The following ATP11C variants were observed in gnomAD, a reference collection of about 807,000 sequenced individuals.
The protein encoded by ATP11C is phospholipid-transporting ATPase IG.
ATP11C carries 36 observed loss-of-function variants against 97.4 expected under a neutral mutation model. The observed-to-expected ratio is 0.37, with a 90% CI of 0.28 to 0.49. ATP11C has a LOEUF of 0.49. Among genes scored for constraint, ATP11C ranks in the 20% least tolerant of loss-of-function variants. The pLI is 0.98. For synonymous variants in ATP11C, 275 were observed against 290.9 expected, an observed-to-expected ratio of 0.95 and a Z score of 0.56; for missense variants, 730 against 824.6, an observed-to-expected ratio of 0.89 and a Z score of 1.40.
chrX:139,921,014 A>C (rs1346044664), intron 1 of ATP11C, among the ~76,000 whole-genome samples: 1 of 111,882 alleles, frequency 8.9e-6, no homozygotes, highest in Non-Finnish European at 1.9e-5. Context: ...GTTAGTATTA[A>C]GTATGACTGC....
intron 11 of ATP11C, 78 bp downstream of exon 11, chrX:139,797,098 G>A (rs754021495): frequency 9.9e-4 from 967 of 979,657 alleles, no homozygotes; most frequent in Non-Finnish European, 1.2e-3. Flanking sequence ...AAAAGGTGCC[G>A]TTTCCCTGAG....
chrX:139,792,597 T>C (rs2082714860), intron 12 of ATP11C, among the ~76,000 whole-genome samples: 1 of 110,967 alleles, frequency 9.0e-6, no homozygotes, highest in Non-Finnish European at 1.9e-5. Flanking sequence ...GTATCAAAAG[T>C]GAACTGGAGG....
At position 139,785,762 on chromosome X, in the gene ATP11C, T is replaced by A. The variant is rs1425048766; in HGVS notation, c.1593-463A>T. Among the ~76,000 whole-genome samples, 3 of 111,530 alleles carry A rather than the reference T, an allele frequency of 2.7e-5. No individual in the cohort carries two copies. In the Admixed American group the frequency reaches 2.9e-4, roughly 11 times the overall value. On this transcript the variant is annotated intron_variant, in intron 15 of 29. Coordinates refer to ENST00000682941, the MANE Select transcript of ATP11C (RefSeq NM_001353812.2). ...GAGCATAATGAGATAACTACCCTTCTAGTTTCTCAAATACTGTAATAAAGG... is the reference window on the plus strand; with the variant it reads ...GAGCATAATGAGATAACTACCCTTCAAGTTTCTCAAATACTGTAATAAAGG...
chrX:139,787,103 C>T (rs1165400436), intron 15 of ATP11C, 70 bp downstream of exon 15: 81 of 1,189,341 alleles, frequency 6.8e-5, no homozygotes, highest in Admixed American at 9.0e-5. Flanking sequence ...CCTTTGCTGC[C>T]CTGCCTGAAT....
intron 23 of ATP11C, 72 bp from the exon 24 acceptor site, chrX:139,750,224 T>C (rs1248575690): frequency 1.3e-5 from 13 of 1,019,000 alleles, no homozygotes; most frequent in Non-Finnish European, 1.7e-5. Context: ...TACTTATGTA[T>C]GTGAAAAACT....
intron 1 of ATP11C, among the ~76,000 whole-genome samples, chrX:139,900,319 T>C (rs1222686588): frequency 1.0e-5 from 1 of 96,006 alleles, no homozygotes; most frequent in African/African-American, 4.1e-5. Context: ...CAGTGAGCCA[T>C]GATCTTGCCA....
intron 1 of ATP11C, among the ~76,000 whole-genome samples, chrX:139,850,853 T>C (rs2491007): frequency 0.064 from 7,118 of 110,434 alleles, 575 homozygotes; most frequent in African/African-American, 0.22. Flanking sequence ...GAGGCTGCAG[T>C]GAGCCAAGAT....
chrX:139,904,373 C>G (rs1373902974), intron 1 of ATP11C, among the ~76,000 whole-genome samples: 1 of 109,832 alleles, frequency 9.1e-6, no homozygotes, highest in African/African-American at 3.3e-5. Context: ...ACCAAAAATA[C>G]AAAAAATTAG....
chrX:139,826,456 T>C (rs914827354), intron 2 of ATP11C, among the ~76,000 whole-genome samples: 4 of 111,299 alleles, frequency 3.6e-5, no homozygotes, highest in Non-Finnish European at 7.5e-5. Context: ...TAAAGTAATA[T>C]GCATAATCAA....
At position 139,788,328 on chromosome X, in the gene ATP11C, A is replaced by G. The variant is rs2082619773; in HGVS notation, c.1384T>C (p.Phe462Leu). 12 of 1,205,853 alleles carry G rather than the reference A, an allele frequency of 1.0e-5. No homozygotes were observed. The highest frequency in any genetic ancestry group is 1.3e-5 in the Non-Finnish European group (12 of 891,838). ...DKVDKNREEL[F>L]LRALCLCHTV... ...TGACATAAACACAAGGCACGTAGAAACAGCTCTTCTCGATTCTGTGGAACA... is the reference window on the plus strand; with the variant it reads ...TGACATAAACACAAGGCACGTAGAAGCAGCTCTTCTCGATTCTGTGGAACA... The change falls in exon 14 of 30, where the codon TTT becomes CTT. Residue 462 changes from phenylalanine to leucine, a missense_variant. Coordinates refer to ENST00000682941, the MANE Select transcript of ATP11C (RefSeq NM_001353812.2).
At chrX:139,767,169 G>GA (rs1350562165) in intron 20 of ATP11C, among the ~76,000 whole-genome samples, 1 of 111,974 alleles carries the variant, frequency 8.9e-6, no homozygotes, top group Non-Finnish European at 1.9e-5. Flanking sequence ...GTCCGAAAAA[G>GA]AATGTATGAT....
chrX:139,919,636 T>G (rs765466513), intron 1 of ATP11C, among the ~76,000 whole-genome samples: 1 of 112,674 alleles, frequency 8.9e-6, no homozygotes, highest in African/African-American at 3.2e-5. Context: ...AGCAAAAAAA[T>G]GTGCCAGGCA....
chrX:139,822,828 G>A (rs1392937447), intron 2 of ATP11C, among the ~76,000 whole-genome samples: 3 of 110,212 alleles, frequency 2.7e-5, no homozygotes, highest in Non-Finnish European at 5.7e-5. Context: ...GTGAGCCACT[G>A]CACCGGGCCT....
chrX:139,928,905 T>C (rs764306388), intron 1 of ATP11C, among the ~76,000 whole-genome samples: 4 of 112,204 alleles, frequency 3.6e-5, no homozygotes, highest in South Asian at 3.6e-4. Context: ...ATCTCTTATT[T>C]TGAATCTTTA....
Position 139,804,437 on chromosome X carries a change from G to C in ATP11C, c.555+34C>G, listed in dbSNP as rs749710828. ...AGTATTGTATGATTAACTATCCTGAGATCAAAATGTTTAGGCAAGGTTTAG... is the reference window on the plus strand; with the variant it reads ...AGTATTGTATGATTAACTATCCTGACATCAAAATGTTTAGGCAAGGTTTAG... On this transcript the variant is annotated intron_variant, in intron 6 of 29. Transcript: ENST00000682941. 6 of 1,159,619 alleles carry C rather than the reference G, an allele frequency of 5.2e-6. No homozygotes were observed. In the South Asian group the frequency reaches 1.2e-4, roughly 24 times the overall value.
intron 2 of ATP11C, among the ~76,000 whole-genome samples, chrX:139,819,883 C>T (rs1203485422): frequency 8.9e-6 from 1 of 112,094 alleles, no homozygotes; most frequent in African/African-American, 3.2e-5. Context: ...TGGTACAAGG[C>T]AGACAATAAA....
intron 12 of ATP11C, among the ~76,000 whole-genome samples, chrX:139,793,776 C>G (rs2082739476): frequency 8.9e-6 from 1 of 111,866 alleles, no homozygotes; most frequent in African/African-American, 3.2e-5. Flanking sequence ...TCACCAAAAT[C>G]AAAGAACACC....
At chrX:139,793,435 GA>G (rs869221628) in intron 12 of ATP11C, among the ~76,000 whole-genome samples, 1 of 108,380 alleles carries the variant, frequency 9.2e-6, no homozygotes, top group Admixed American at 1.0e-4. Context: ...TCTAAAAAAA[GA>G]AAAAAGATTT....
chrX:139,811,123 T>C (rs1377396326), intron 5 of ATP11C, among the ~76,000 whole-genome samples: 1 of 111,513 alleles, frequency 9.0e-6, no homozygotes, highest in East Asian at 2.8e-4. Flanking sequence ...GACATATGAT[T>C]GAGAGGTGTC....
Sources: allele counts gnomAD v4.1 joint callset (sites outside exome capture counted in the v4.1 genomes callset), GRCh38; gene constraint gnomAD v4.1.1; transcripts MANE v1.5; gene names NCBI Gene and HGNC (gene_info 2026-07-23, HGNC 2026-07-21).